Variants in KREMEN1 observed in about 807,000 individuals in gnomAD.
The protein encoded by KREMEN1 is kringle containing transmembrane protein 1.
A neutral mutation model predicts 46.5 loss-of-function variants in KREMEN1; 30 were observed. The ratio of observed to expected loss-of-function variants is 0.65; its 90% CI spans 0.48 to 0.88. KREMEN1 has a LOEUF of 0.88. Ranked by LOEUF, KREMEN1 falls within the 40% of genes least tolerant of loss-of-function variation. The pLI is 0.00. For synonymous variants in KREMEN1, 214 were observed against 230.6 expected (o/e 0.93, Z 0.65); for missense variants, 533 against 596.9 (o/e 0.89, Z 1.11).
intron 8 of KREMEN1, 124 bp downstream of exon 8, chr22:29,140,490 A>G (rs2145850494): frequency 2.9e-6 from 2 of 688,602 alleles, no homozygotes; most frequent in South Asian, 1.8e-5. Context: ...CCTCAGTCCT[A>G]GGGAACGGAA....
At chr22:29,167,403 C>G (rs1440941048) in exon 10 of KREMEN1, 2 of 394,258 alleles carry the variant, frequency 5.1e-6, no homozygotes, top group Non-Finnish European at 9.5e-6. Context: ...TCCGCACAGC[C>G]GGTCAGAACT....
In KREMEN1 at chr22:29,142,860, A is replaced by G; in HGVS notation, c.*748A>G. The G allele has an allele frequency of 5.1e-6, 5 of 985,460 alleles. No homozygotes were observed. Among genetic ancestry groups the G allele is most frequent in the Non-Finnish European group, 6.0e-6 (5 of 829,944 alleles). The allele number at this position is 985,460 out of a possible 1,614,324, so 61.0% of individuals were successfully genotyped here. A position where few individuals can be genotyped will look rare whatever the true frequency, so the allele number is the denominator to read the frequency against. On this transcript the variant is annotated 3_prime_UTR_variant, in exon 9 of 9. Transcript: ENST00000400335. ...TTTAAGAGCTTTGGTCATATAAAACATCCATTCAGCTGGGCGCGATGGCTC... is the reference window on the plus strand; with the variant it reads ...TTTAAGAGCTTTGGTCATATAAAACGTCCATTCAGCTGGGCGCGATGGCTC...
intron 9 of KREMEN1, among the ~76,000 whole-genome samples, chr22:29,157,108 G>C (rs2038969133): frequency 6.8e-6 from 1 of 147,352 alleles, no homozygotes; most frequent in Non-Finnish European, 1.5e-5. Context: ...TCTTTCCAGA[G>C]GGTTATCATC....
chr22:29,081,536 G>A (rs775299495), intron 1 of KREMEN1, among the ~76,000 whole-genome samples: 2 of 152,114 alleles, frequency 1.3e-5, no homozygotes, highest in Non-Finnish European at 2.9e-5. Flanking sequence ...CGAGCTTCAT[G>A]GAACACTCCA....
intron 3 of KREMEN1, among the ~76,000 whole-genome samples, chr22:29,114,633 A>G (rs989432519): frequency 6.6e-6 from 1 of 152,112 alleles, no homozygotes; most frequent in African/African-American, 2.4e-5. Flanking sequence ...TTGACCTTAG[A>G]CTTCTTAGCC....
intron 3 of KREMEN1, among the ~76,000 whole-genome samples, chr22:29,101,252 C>CAAAAAAA (rs368843166): frequency 6.7e-5 from 5 of 74,786 alleles, no homozygotes; most frequent in African/African-American, 1.1e-4. Context: ...AGTCTGTCTC[C>CAAAAAAA]AAAAAAAAAA....
intron 1 of KREMEN1, among the ~76,000 whole-genome samples, chr22:29,081,458 G>C (rs1407651359): frequency 6.6e-6 from 1 of 152,100 alleles, no homozygotes; most frequent in Admixed American, 6.6e-5. Context: ...AAAATTCTTT[G>C]ATGTTTATCT....
intron 1 of KREMEN1, among the ~76,000 whole-genome samples, 189 bp from the exon 2 acceptor site, chr22:29,094,069 C>T (rs764467967): frequency 1.3e-5 from 2 of 152,178 alleles, no homozygotes; most frequent in African/African-American, 2.4e-5. Context: ...CAAGATTAGC[C>T]TAGCTTTTTG....
chr22:29,136,899 C>T (rs897055644), intron 5 of KREMEN1, among the ~76,000 whole-genome samples: 2 of 152,214 alleles, frequency 1.3e-5, no homozygotes, highest in Admixed American at 6.5e-5. Context: ...TTTACCTCAT[C>T]GGGTGGCTTC....
Position 29,094,344 on chromosome 22 carries a change from G to C in KREMEN1, c.184G>C (p.Glu62Gln). The C allele has an allele frequency of 1.2e-6, 2 of 1,614,032 alleles. No individual in the cohort carries two copies. The highest frequency in any genetic ancestry group is 1.7e-4 in the Middle Eastern group (1 of 6,042). Residue 62 changes from glutamate (E) to glutamine (Q), a missense_variant, in exon 2 of 9, where the codon GAG (glutamate) becomes CAG (glutamine). Glu to Gln is a conservative substitution (Grantham distance 29). Coordinates refer to ENST00000400335, the MANE Select transcript of KREMEN1 (RefSeq NM_001039570.3). ...CGGGAAGCCATGTCTGTTTTGGAACGAGACTTTCCAGCATCCATACAACAC... is the reference window on the plus strand; with the variant it reads ...CGGGAAGCCATGTCTGTTTTGGAACCAGACTTTCCAGCATCCATACAACAC... ...QGGKPCLFWN[E>Q]TFQHPYNTLK... is the part of the protein sequence containing the mutation.
intron 1 of KREMEN1, among the ~76,000 whole-genome samples, chr22:29,085,489 T>C (rs1046463742): frequency 6.6e-6 from 1 of 152,222 alleles, no homozygotes; most frequent in Non-Finnish European, 1.5e-5. Context: ...AATTCCTTAA[T>C]GCCATCAAAT....
At chr22:29,097,920 G>A (rs993677488) in intron 2 of KREMEN1, among the ~76,000 whole-genome samples, 12 of 152,046 alleles carry the variant, frequency 7.9e-5, no homozygotes, top group African/African-American at 2.4e-4. Context: ...GGTGGCTCAC[G>A]CCTGTAGTCT....
At chr22:29,089,581 T>G (rs2145753713) in intron 1 of KREMEN1, among the ~76,000 whole-genome samples, 1 of 148,556 alleles carries the variant, frequency 6.7e-6, no homozygotes, top group East Asian at 1.9e-4. Context: ...ACAATTCTAT[T>G]AAAAGATAAG....
intron 1 of KREMEN1, among the ~76,000 whole-genome samples, chr22:29,078,553 C>G (rs764863354): frequency 7.9e-5 from 12 of 151,070 alleles, no homozygotes; most frequent in Non-Finnish European, 1.5e-4. Flanking sequence ...ATTTTTATGT[C>G]CATGGTTCTG....
exon 10 of KREMEN1, chr22:29,167,269 G>C (rs1235891543): frequency 3.3e-6 from 2 of 610,674 alleles, no homozygotes; most frequent in Non-Finnish European, 5.9e-6. Flanking sequence ...TGAGATGGGA[G>C]GATTGCTTGA....
rs1405416997 is a variant in KREMEN1 at position 29,120,451 on chromosome 22, G to T, written c.353-906G>T. ...GGAGGGAGAGGTGATGATGGAAACAGGGAGGAGGGAGACGTGATGATGGAA... is the reference window on the plus strand; with the variant it reads ...GGAGGGAGAGGTGATGATGGAAACATGGAGGAGGGAGACGTGATGATGGAA... On this transcript the variant is annotated intron_variant, in intron 3 of 8. Coordinates refer to ENST00000400335, the MANE Select transcript of KREMEN1 (RefSeq NM_001039570.3). 3.7e-3 allele frequency among the ~76,000 whole-genome samples: 322 copies of T among 86,356 alleles called. 7 individuals carry two copies. The highest frequency in any genetic ancestry group is 0.012 in the Middle Eastern group (2 of 172). 56.7% of individuals were successfully genotyped at this position (86,356 alleles called of 152,430 possible).
At position 29,144,232 on chromosome 22, in the gene KREMEN1, G is replaced by GCCCCA. The variant is rs1408269049; in HGVS notation, c.*2120_*2121insCCCCA. 1.0e-6 allele frequency: 1 copy of GCCCCA among 985,452 alleles called. No homozygotes were observed. Among genetic ancestry groups the GCCCCA allele is most frequent in the Non-Finnish European group, 1.2e-6 (1 of 830,034 alleles). 61.0% of individuals were successfully genotyped at this position (985,452 alleles called of 1,614,324 possible). On this transcript the variant is annotated 3_prime_UTR_variant, in exon 9 of 9. Transcript: ENST00000400335. ...CACTGCCTGCTGGGGCTCCTACTGA[G>GCCCCA]GTTCTGGAAACACCTCTGCACCTGC... is the stretch of plus-strand genomic sequence containing the variant.
chr22:29,157,208 G>T (rs2038970570), intron 9 of KREMEN1, among the ~76,000 whole-genome samples: 1 of 152,248 alleles, frequency 6.6e-6, no homozygotes, highest in African/African-American at 2.4e-5. Context: ...CTTGGATGTA[G>T]CCAGAGACAG....
At chr22:29,090,335 C>G (rs749288194) in intron 1 of KREMEN1, among the ~76,000 whole-genome samples, 14 of 152,066 alleles carry the variant, frequency 9.2e-5, no homozygotes, top group South Asian at 2.1e-4. Context: ...ACATGATAGA[C>G]CTTATGAACA....
Sources: gnomAD v4.1 joint callset for allele counts (sites outside exome capture counted in the v4.1 genomes callset) on GRCh38, gnomAD v4.1.1 for gene constraint, MANE v1.5 for transcripts, NCBI Gene and HGNC (gene_info 2026-07-23, HGNC 2026-07-21) for gene names.